Variants in SEMA5A observed in about 807,000 individuals in gnomAD.
SEMA5A encodes the protein semaphorin 5A.
In SEMA5A, 55 loss-of-function variants were observed where a neutral mutation model predicts 135.5. That is an observed-to-expected ratio of 0.41 (90% confidence interval 0.33 to 0.51). SEMA5A has a LOEUF of 0.51. SEMA5A is among the 20% of genes least tolerant of loss of function. The pLI, the probability that SEMA5A is intolerant of heterozygous loss-of-function variation, is 0.37. For missense variants in SEMA5A, 1,290 were observed against 1,419.9 expected (o/e 0.91, Z 1.47); for synonymous variants, 580 against 546.5 (o/e 1.06, Z -0.85).
At chr5:9,346,914 G>GTATATATATA (rs143461409) in intron 3 of SEMA5A, among the ~76,000 whole-genome samples, 4 of 99,170 alleles carry the variant, frequency 4.0e-5, no homozygotes, top group African/African-American at 1.2e-4. Flanking sequence ...GTGTGTGTGT[G>GTATATATATA]TATATATATA....
At chr5:9,156,477 T>C (rs1269193640) in intron 11 of SEMA5A, among the ~76,000 whole-genome samples, 2 of 152,168 alleles carry the variant, frequency 1.3e-5, no homozygotes, top group Non-Finnish European at 2.9e-5. Flanking sequence ...GGAGCAGTGA[T>C]GGGCATAGAG....
rs1305606521 is a variant in SEMA5A at position 9,109,027 on chromosome 5, A to ATTTTTTTTTTTTTT, written c.1926-741_1926-740insAAAAAAAAAAAAAA. 2.6e-4 allele frequency among the ~76,000 whole-genome samples: 31 copies of ATTTTTTTTTTTTTT among 118,922 alleles called. 4 individuals are homozygous for ATTTTTTTTTTTTTT. Among genetic ancestry groups the ATTTTTTTTTTTTTT allele is most frequent in the East Asian group, 2.1e-3 (8 of 3,804 alleles). 78.0% of individuals were successfully genotyped at this position (118,922 alleles called of 152,430 possible). A position where few individuals can be genotyped will look rare whatever the true frequency, so the allele number is the denominator to read the frequency against. ...ATCATGAGTCATATTATTTCTCTTC[A>ATTTTTTTTTTTTTT]ATTTTTTTTTTTTTTTTTTTTTTTT... On this transcript the variant is annotated intron_variant, in intron 15 of 22. Transcript: ENST00000382496.
chr5:9,512,680 C>G (rs1216104518), intron 1 of SEMA5A, among the ~76,000 whole-genome samples: 2 of 152,134 alleles, frequency 1.3e-5, no homozygotes, highest in African/African-American at 4.8e-5. Context: ...GATCCCATGC[C>G]AGCAGAGGCT....
chr5:9,343,242 G>GAAAATGACA (rs1488204105), intron 3 of SEMA5A, among the ~76,000 whole-genome samples: 1 of 152,188 alleles, frequency 6.6e-6, no homozygotes, highest in African/African-American at 2.4e-5. Context: ...TATGGAGGAA[G>GAAAATGACA]AAAATGACAA....
In SEMA5A at chr5:9,050,655, T is replaced by G. The variant is rs2150041115; in HGVS notation, c.2846-198A>C. 1.3e-5 allele frequency among the ~76,000 whole-genome samples: 2 copies of G among 152,360 alleles called. 1 individual carries two copies. Among genetic ancestry groups the G allele is most frequent in the South Asian group, 4.1e-4 (2 of 4,826 alleles). The stretch of plus-strand genomic sequence containing the variant: ...CTGATATGGATTTGGCCAAATCACC[T>G]TGACTGGGGAGAGATAAGATTCATT... On this transcript the variant is annotated intron_variant, in intron 20 of 22. Transcript: ENST00000382496.
At chr5:9,279,054 C>T (rs1206028594) in intron 5 of SEMA5A, among the ~76,000 whole-genome samples, 1 of 152,200 alleles carries the variant, frequency 6.6e-6, no homozygotes, top group Non-Finnish European at 1.5e-5. Flanking sequence ...GATCCACCAA[C>T]AACTTGCACT....
intron 2 of SEMA5A, among the ~76,000 whole-genome samples, chr5:9,396,460 A>G (rs1040614533): frequency 6.6e-6 from 1 of 152,112 alleles, no homozygotes; most frequent in African/African-American, 2.4e-5. Context: ...TAGGGCTAGC[A>G]TATTCGTAAA....
intron 5 of SEMA5A, among the ~76,000 whole-genome samples, chr5:9,314,790 T>C (rs1437618184): frequency 6.6e-6 from 1 of 152,074 alleles, no homozygotes; most frequent in Non-Finnish European, 1.5e-5. Flanking sequence ...CCACATAATA[T>C]GAAAAAGCAG....
chr5:9,088,404 G>A (rs1420942662), intron 16 of SEMA5A, among the ~76,000 whole-genome samples: 2 of 150,452 alleles, frequency 1.3e-5, no homozygotes, highest in Admixed American at 1.3e-4. Flanking sequence ...TGTTATGTTG[G>A]GGTGAATATA....
chr5:9,437,325 C>T (rs1396855337), intron 2 of SEMA5A, among the ~76,000 whole-genome samples: 1 of 152,002 alleles, frequency 6.6e-6, no homozygotes, highest in East Asian at 1.9e-4. Flanking sequence ...TGCTCATTAA[C>T]TCTCATTTTT....
At chr5:9,241,077 G>A (rs183768542) in intron 5 of SEMA5A, among the ~76,000 whole-genome samples, 2 of 152,148 alleles carry the variant, frequency 1.3e-5, no homozygotes, top group Non-Finnish European at 2.9e-5. Flanking sequence ...TATTTCAGCA[G>A]CAGACATATA....
intron 18 of SEMA5A, among the ~76,000 whole-genome samples, chr5:9,061,921 C>T (rs934440915): frequency 4.6e-5 from 7 of 151,902 alleles, no homozygotes; most frequent in African/African-American, 9.7e-5. Flanking sequence ...GTTTGATACC[C>T]GTGACCCTGG....
At chr5:9,257,437 C>T (rs952717708) in intron 5 of SEMA5A, among the ~76,000 whole-genome samples, 1 of 141,198 alleles carries the variant, frequency 7.1e-6, no homozygotes, top group Non-Finnish European at 1.6e-5. Context: ...TGTATACTAC[C>T]CACATAGATC....
At chr5:9,210,251 T>C (rs1579620722) in intron 8 of SEMA5A, among the ~76,000 whole-genome samples, 1 of 152,150 alleles carries the variant, frequency 6.6e-6, no homozygotes, top group African/African-American at 2.4e-5. Flanking sequence ...TGTAGAAGCT[T>C]CCTCACATGA....
chr5:9,490,592 G>C (rs923490868), intron 1 of SEMA5A, among the ~76,000 whole-genome samples: 2 of 152,156 alleles, frequency 1.3e-5, no homozygotes, highest in Non-Finnish European at 2.9e-5. Context: ...TCCAGTTGCT[G>C]TACTCAAGCA....
In SEMA5A at chr5:9,039,469, G is replaced by A. The variant is rs911522826; in HGVS notation, c.*3428C>T. The A allele has an allele frequency of 3.9e-5, 6 of 152,250 alleles. No homozygotes were observed. The highest frequency in any genetic ancestry group is 3.9e-4 in the East Asian group (2 of 5,168). 9.4% of individuals were successfully genotyped at this position (152,250 alleles called of 1,614,324 possible). On this transcript the variant is annotated 3_prime_UTR_variant, in exon 23 of 23. Coordinates refer to ENST00000382496, the MANE Select transcript of SEMA5A (RefSeq NM_003966.3). ...CCCTCACCCTCATTCAATGTTTATC[G>A]TCTCTTTTCAATTCCTTTAGAACCT...
chr5:9,285,146 A>T (rs1750736659), intron 5 of SEMA5A, among the ~76,000 whole-genome samples: 1 of 152,164 alleles, frequency 6.6e-6, no homozygotes, highest in Non-Finnish European at 1.5e-5. Flanking sequence ...GTCATTCCAC[A>T]GTCTCTTTTT....
At chr5:9,059,323 T>C (rs1177196629) in intron 18 of SEMA5A, among the ~76,000 whole-genome samples, 4 of 152,190 alleles carry the variant, frequency 2.6e-5, no homozygotes, top group East Asian at 1.9e-4. Flanking sequence ...AAATCAAATA[T>C]GCATTGAGGA....
intron 16 of SEMA5A, among the ~76,000 whole-genome samples, chr5:9,070,906 T>C (rs775770138): frequency 1.3e-5 from 2 of 152,210 alleles, no homozygotes; most frequent in Non-Finnish European, 2.9e-5. Context: ...TTTAATTCTA[T>C]TGTGATCACT....
Sources: allele counts gnomAD v4.1 joint callset (sites outside exome capture counted in the v4.1 genomes callset), GRCh38; gene constraint gnomAD v4.1.1; transcripts MANE v1.5; gene names NCBI Gene and HGNC (gene_info 2026-07-23, HGNC 2026-07-21).